Variants in DOK6 observed in about 807,000 individuals in gnomAD.
DOK6 encodes downstream of tyrosine kinase 6.
In DOK6, 22 loss-of-function variants were observed where a neutral mutation model predicts 44.0. The observed-to-expected ratio is 0.50, with a 90% CI of 0.36 to 0.71. DOK6 has a LOEUF of 0.71. DOK6 is among the 30% of genes least tolerant of loss of function. DOK6 has a pLI of 0.00. For missense variants in DOK6, 340 were observed against 416.4 expected (o/e 0.82, Z 1.60); for synonymous variants, 166 against 145.5 (o/e 1.14, Z -1.01).
intron 7 of DOK6, among the ~76,000 whole-genome samples, chr18:69,799,398 C>T (rs528868604): frequency 6.6e-5 from 10 of 151,920 alleles, no homozygotes; most frequent in African/African-American, 2.4e-4. Flanking sequence ...TCGTCTTTAA[C>T]CTAAAAACTA....
At chr18:69,726,758 G>C (rs997137494) in intron 5 of DOK6, among the ~76,000 whole-genome samples, 11 of 151,632 alleles carry the variant, frequency 7.3e-5, no homozygotes, top group African/African-American at 2.4e-4. Flanking sequence ...TCTGATGGGA[G>C]CCCACTCCTC....
chr18:69,616,382 C>T (rs1041531531), intron 3 of DOK6, among the ~76,000 whole-genome samples: 4 of 152,174 alleles, frequency 2.6e-5, no homozygotes, highest in East Asian at 1.9e-4. Flanking sequence ...CTTTACACAA[C>T]GAAGCCCTAG....
intron 1 of DOK6, among the ~76,000 whole-genome samples, chr18:69,507,204 T>C: frequency 1.3e-5 from 2 of 152,176 alleles, no homozygotes; most frequent in Middle Eastern, 6.8e-3. Context: ...ATTTTTTGTA[T>C]TTTCAGTAGA....
intron 1 of DOK6, among the ~76,000 whole-genome samples, chr18:69,449,786 C>G (rs570596898): frequency 1.3e-5 from 2 of 151,464 alleles, no homozygotes; most frequent in South Asian, 4.2e-4. Context: ...GGAGGCACCC[C>G]CCAGCAGGGG....
chr18:69,481,154 C>T (rs1980408189), intron 1 of DOK6, among the ~76,000 whole-genome samples: 1 of 152,072 alleles, frequency 6.6e-6, no homozygotes, highest in African/African-American at 2.4e-5. Flanking sequence ...CGTTCACATC[C>T]CTTGAGGTTC....
chr18:69,465,259 T>A (rs948929109), intron 1 of DOK6, among the ~76,000 whole-genome samples: 2 of 152,096 alleles, frequency 1.3e-5, no homozygotes, highest in African/African-American at 4.8e-5. Context: ...AAGAAGATAT[T>A]GAATTCTTTT....
intron 1 of DOK6, among the ~76,000 whole-genome samples, chr18:69,500,426 A>G (rs554782056): frequency 1.3e-5 from 2 of 152,148 alleles, no homozygotes; most frequent in East Asian, 1.9e-4. Context: ...CCACCTCTCC[A>G]TTATACTGGC....
At chr18:69,743,835 A>AG (rs1000991407) in intron 6 of DOK6, among the ~76,000 whole-genome samples, 3 of 151,892 alleles carry the variant, frequency 2.0e-5, no homozygotes, top group Non-Finnish European at 4.4e-5. Flanking sequence ...AAAAAAAAAA[A>AG]ACAGCATTTA....
chr18:69,612,928 C>T (rs1192673225), intron 3 of DOK6, among the ~76,000 whole-genome samples: 2 of 150,772 alleles, frequency 1.3e-5, no homozygotes, highest in African/African-American at 4.9e-5. Context: ...GTTGCCCAGG[C>T]TTAAGTGCAG....
intron 2 of DOK6, among the ~76,000 whole-genome samples, chr18:69,567,979 C>T (rs1250123873): frequency 6.6e-6 from 1 of 152,234 alleles, no homozygotes; most frequent in African/African-American, 2.4e-5. Flanking sequence ...CTCTCCCTTA[C>T]AGGGTCAGCA....
Position 69,574,253 on chromosome 18 carries a change from C to T in DOK6, c.174+9659C>T, listed in dbSNP as rs117651289. On this transcript the variant is annotated intron_variant, in intron 2 of 7. Transcript: ENST00000382713. Reference sequence around the variant, plus strand: ...TCGTAATTGTCCTAATCTTCTAGGACCAGGAGGAGACTTGACTAAGTTTCT... The same window carrying T: ...TCGTAATTGTCCTAATCTTCTAGGATCAGGAGGAGACTTGACTAAGTTTCT... Among the ~76,000 whole-genome samples, 850 of 151,926 alleles carry T rather than the reference C, an allele frequency of 5.6e-3. 5 individuals are homozygous for T. The highest frequency in any genetic ancestry group is 0.01 in the Non-Finnish European group (687 of 67,844).
At chr18:69,456,881 T>A (rs1255081748) in intron 1 of DOK6, among the ~76,000 whole-genome samples, 1 of 152,230 alleles carries the variant, frequency 6.6e-6, no homozygotes, top group African/African-American at 2.4e-5. Context: ...TGGTTTTGAT[T>A]TGCATTTCTC....
At position 69,689,646 on chromosome 18, in the gene DOK6, A is replaced by T. The variant is rs537432900; in HGVS notation, c.410-8758A>T. Among the ~76,000 whole-genome samples, 572 of 152,288 alleles carry T rather than the reference A, an allele frequency of 3.8e-3. 2 individuals are homozygous for T. The highest frequency in any genetic ancestry group is 5.8e-3 in the Non-Finnish European group (391 of 67,988). ...TATTTGCTCCAGTGATTCAGATTTTAGTACTCAATGTAAGTTTATAATCAA... is the reference window on the plus strand; with the variant it reads ...TATTTGCTCCAGTGATTCAGATTTTTGTACTCAATGTAAGTTTATAATCAA... On this transcript the variant is annotated intron_variant, in intron 4 of 7. Coordinates refer to ENST00000382713, the MANE Select transcript of DOK6 (RefSeq NM_152721.6).
At chr18:69,820,180 T>G (rs1369795273) in intron 7 of DOK6, among the ~76,000 whole-genome samples, 1 of 152,224 alleles carries the variant, frequency 6.6e-6, no homozygotes, top group African/African-American at 2.4e-5. Flanking sequence ...TTCCATATCT[T>G]AGCTATTGTG....
chr18:69,638,972 C>T (rs1296408023), intron 3 of DOK6, among the ~76,000 whole-genome samples: 1 of 151,998 alleles, frequency 6.6e-6, no homozygotes, highest in Non-Finnish European at 1.5e-5. Flanking sequence ...ATTTATAATC[C>T]TGGGAGGTCT....
chr18:69,441,115 A>G (rs1318149201), intron 1 of DOK6, among the ~76,000 whole-genome samples: 1 of 152,118 alleles, frequency 6.6e-6, no homozygotes, highest in Non-Finnish European at 1.5e-5. Flanking sequence ...ATGGTTTTGT[A>G]TTCAGATTAA....
intron 4 of DOK6, among the ~76,000 whole-genome samples, chr18:69,694,859 G>A (rs1221059882): frequency 3.9e-5 from 6 of 152,112 alleles, no homozygotes; most frequent in Non-Finnish European, 5.9e-5. Context: ...TCAATCATCT[G>A]ATAAGGAAAA....
intron 3 of DOK6, among the ~76,000 whole-genome samples, chr18:69,672,655 G>A (rs1255637250): frequency 2.0e-5 from 3 of 147,778 alleles, no homozygotes; most frequent in Non-Finnish European, 4.5e-5. Flanking sequence ...ACTGCGCCCG[G>A]CAGTGTTTGT....
chr18:69,420,530 T>C (rs183608957), intron 1 of DOK6, among the ~76,000 whole-genome samples: 2 of 152,296 alleles, frequency 1.3e-5, no homozygotes, highest in Non-Finnish European at 2.9e-5. Flanking sequence ...CTAGGGTACA[T>C]GTGCACAACG....
Sources: allele counts gnomAD v4.1 joint callset (sites outside exome capture counted in the v4.1 genomes callset), GRCh38; gene constraint gnomAD v4.1.1; transcripts MANE v1.5; gene names NCBI Gene and HGNC (gene_info 2026-07-23, HGNC 2026-07-21).